The following NEBL variants were observed in gnomAD, a reference collection of about 807,000 sequenced individuals.
NEBL encodes the protein nebulette.
Under a neutral mutation model 140.2 loss-of-function variants are expected in NEBL, and 122 were observed. The observed-to-expected ratio is 0.87, with a 90% confidence interval of 0.75 to 1.01. The LOEUF is 1.01. NEBL is among the 50% of genes least tolerant of loss of function. NEBL has a pLI of 0.00. For missense variants in NEBL, 1,365 were observed against 1,231.3 expected (o/e 1.11, Z -1.62); for synonymous variants, 436 against 398.9 (o/e 1.09, Z -1.11).
intron 1 of NEBL, among the ~76,000 whole-genome samples, chr10:21,268,080 G>A (rs1842818079): frequency 6.6e-6 from 1 of 152,090 alleles, no homozygotes; most frequent in African/African-American, 2.4e-5. Flanking sequence ...GGATTGCCTT[G>A]GTCTTAGACC....
chr10:20,843,700 G>T (rs1841600090), intron 12 of NEBL, among the ~76,000 whole-genome samples: 1 of 151,784 alleles, frequency 6.6e-6, no homozygotes, highest in Non-Finnish European at 1.5e-5. Context: ...TTTATTTTTA[G>T]TTGACACATA....
chr10:20,959,614 C>T (rs186696332), intron 4 of NEBL, among the ~76,000 whole-genome samples: 1 of 152,066 alleles, frequency 6.6e-6, no homozygotes, highest in Non-Finnish European at 1.5e-5. Flanking sequence ...ATTCACCAGA[C>T]CTCAGAGCAC....
chr10:20,858,357 C>T lies in NEBL; in HGVS notation c.799-13G>A. On this transcript the variant is annotated splice_polypyrimidine_tract_variant and intron_variant, in intron 8 of 27. Transcript: ENST00000377122. Reference sequence around the variant, plus strand: ...TCTTGTACTTCACCTATGAAAATAACATGGAACAAAATACCATCGAGGAGA... The same window carrying T: ...TCTTGTACTTCACCTATGAAAATAATATGGAACAAAATACCATCGAGGAGA... 2 of 1,544,272 alleles carry T rather than the reference C, an allele frequency of 1.3e-6. No individual in the cohort carries two copies. The highest frequency in any genetic ancestry group is 2.2e-5 in the East Asian group (1 of 44,470).
At chr10:20,872,700 T>A (rs1056842180) in intron 5 of NEBL, among the ~76,000 whole-genome samples, 12 of 152,110 alleles carry the variant, frequency 7.9e-5, no homozygotes, top group African/African-American at 2.9e-4. Context: ...CAAAACAGCT[T>A]GCAGTAAAGA....
At chr10:21,251,700 C>T (rs1444757086) in intron 2 of NEBL, among the ~76,000 whole-genome samples, 2 of 152,046 alleles carry the variant, frequency 1.3e-5, no homozygotes, top group African/African-American at 4.8e-5. Context: ...GATTAACACC[C>T]CTATAAAAAA....
intron 2 of NEBL, among the ~76,000 whole-genome samples, chr10:20,893,226 T>C (rs1847177800): frequency 6.6e-6 from 1 of 152,050 alleles, no homozygotes; most frequent in Non-Finnish European, 1.5e-5. Context: ...TGACTCCCCA[T>C]CAGAAGACTA....
At chr10:20,968,268 G>T (rs933194271) in intron 3 of NEBL, among the ~76,000 whole-genome samples, 1 of 152,074 alleles carries the variant, frequency 6.6e-6, no homozygotes, top group Admixed American at 6.5e-5. Flanking sequence ...ACTTTGGGAG[G>T]CTGAGGCAGG....
intron 7 of NEBL, chr10:20,868,394 G>A (rs1844541143): frequency 2.5e-6 from 1 of 403,346 alleles, no homozygotes; most frequent in African/African-American, 2.0e-5. Context: ...GGAAATCCAG[G>A]GAAATGTGAC....
Position 21,173,695 on chromosome 10 carries a change from C to G in NEBL, c.69+70G>C. ...ACTCATTGCTTTCCATCCCAGGTGC[C>G]AAAACTTCTCGAAGCAGGTGCAGCC... On this transcript the variant is annotated intron_variant, in intron 1 of 6. Coordinates refer to the NEBL transcript ENST00000417816. This position sits in a 1 kb window ranked among gnomAD's most constrained non-coding sequence, Gnocchi z 5.7. The G allele has an allele frequency of 3.1e-6, 5 of 1,607,582 alleles. No homozygotes were observed. Among genetic ancestry groups the G allele is most frequent in the Non-Finnish European group, 4.2e-6 (5 of 1,179,398 alleles).
At chr10:20,924,063 CA>C (rs1316213350) in intron 4 of NEBL, among the ~76,000 whole-genome samples, 1 of 152,130 alleles carries the variant, frequency 6.6e-6, no homozygotes. Flanking sequence ...CGATATACAG[CA>C]ATTCTTGGAC....
At chr10:20,796,778 A>T (rs973719833) in intron 26 of NEBL, among the ~76,000 whole-genome samples, 4 of 152,176 alleles carry the variant, frequency 2.6e-5, no homozygotes, top group Non-Finnish European at 5.9e-5. Context: ...TTGTAACTAT[A>T]ATTCAAACCA....
chr10:21,055,280 AC>A (rs1330124732), intron 2 of NEBL, among the ~76,000 whole-genome samples: 3 of 152,246 alleles, frequency 2.0e-5, no homozygotes, highest in Non-Finnish European at 4.4e-5. Flanking sequence ...AGTTTTAAGT[AC>A]TGGGAAGAAT....
chr10:21,122,002 G>GGTTGTTGTTGTT (rs147160117), intron 2 of NEBL, among the ~76,000 whole-genome samples: 2,486 of 149,548 alleles, frequency 0.017, 28 homozygotes, highest in Middle Eastern at 0.034. Context: ...GATTTCTCCT[G>GGTTGTTGTTGTT]GTTGTTGTTG....
At chr10:21,174,035 C>G (rs1435610649) in exon 1 of NEBL, 3 of 1,137,400 alleles carry the variant, frequency 2.6e-6, no homozygotes, top group Admixed American at 4.9e-5. Context: ...GCCGCGCTCT[C>G]GGGCTCGCAG....
intron 3 of NEBL, among the ~76,000 whole-genome samples, chr10:20,992,765 C>CTTTTTTTTTTTTTT (rs35627113): frequency 1.9e-5 from 1 of 52,452 alleles, no homozygotes; most frequent in African/African-American, 8.5e-5. Flanking sequence ...ACTACAAAGT[C>CTTTTTTTTTTTTTT]TTTTTTTTTT....
chr10:21,072,297 T>C (rs1427657896), intron 2 of NEBL, among the ~76,000 whole-genome samples: 4 of 152,190 alleles, frequency 2.6e-5, no homozygotes, highest in African/African-American at 7.2e-5. Context: ...CCGTCTTTTA[T>C]AATGTCATTG....
At chr10:21,201,873 T>C (rs570127495) in intron 3 of NEBL, among the ~76,000 whole-genome samples, 1 of 152,332 alleles carries the variant, frequency 6.6e-6, no homozygotes, top group South Asian at 2.1e-4. Context: ...ACGCACAATT[T>C]TTAGGAATCA....
chr10:21,219,626 G>A (rs1387135251), intron 3 of NEBL, among the ~76,000 whole-genome samples: 1 of 152,032 alleles, frequency 6.6e-6, no homozygotes, highest in African/African-American at 2.4e-5. Context: ...TTTTTCTAAT[G>A]CTATCAGAAT....
intron 13 of NEBL, among the ~76,000 whole-genome samples, chr10:20,840,461 C>T (rs574817784): frequency 4.6e-5 from 7 of 151,990 alleles, no homozygotes; most frequent in Non-Finnish European, 1.0e-4. Flanking sequence ...CAATCATCTG[C>T]CTTTTACCTG....
Sources: gnomAD v4.1 joint callset for allele counts (sites outside exome capture counted in the v4.1 genomes callset) on GRCh38, gnomAD v4.1.1 for gene constraint, Gnocchi (gnomAD v3.1) non-coding constraint, MANE v1.5 for transcripts, NCBI Gene and HGNC (gene_info 2026-07-23, HGNC 2026-07-21) for gene names.